Variants in ADGRL2 observed in about 807,000 individuals in gnomAD.
ADGRL2 encodes calcium-independent alpha-latrotoxin receptor 2.
A neutral mutation model predicts 157.4 loss-of-function variants in ADGRL2; 44 were observed. The ratio of observed to expected loss-of-function variants is 0.28; its 90% confidence interval spans 0.22 to 0.36. ADGRL2 has a LOEUF of 0.36. ADGRL2 is among the 10% of genes least tolerant of loss of function. ADGRL2 has a pLI of 1.00. For missense variants in ADGRL2, 1,510 were observed against 1,768.9 expected, an observed-to-expected ratio of 0.85 and a Z score of 2.63; for synonymous variants, 585 against 624.7, an observed-to-expected ratio of 0.94 and a Z score of 0.95.
Position 81,851,803 on chromosome 1 carries a change from A to G in ADGRL2, c.73+14746A>G, listed in dbSNP as rs182574184. On this transcript the variant is annotated intron_variant, in intron 2 of 23. Coordinates refer to ENST00000686636, the MANE Select transcript of ADGRL2 (RefSeq NM_001366006.2). ...TGGCTGTCAGAATTTCTTATTTTCC[A>G]CGTACGTTTGCAAATGAATTTCTGA... 1.1e-3 allele frequency among the ~76,000 whole-genome samples: 164 copies of G among 150,212 alleles called. 2 individuals are homozygous for G. Among genetic ancestry groups the G allele is most frequent in the African/African-American group, 3.8e-3 (157 of 40,988 alleles).
At chr1:81,467,046 TAA>T (rs550364036) in intron 2 of ADGRL2, among the ~76,000 whole-genome samples, 41 of 130,464 alleles carry the variant, frequency 3.1e-4, no homozygotes, top group Admixed American at 4.6e-4. Context: ...AAGCTACAGT[TAA>T]AAAAAAAAAA....
chr1:81,488,756 T>C (rs939006421), intron 2 of ADGRL2, among the ~76,000 whole-genome samples: 1 of 151,008 alleles, frequency 6.6e-6, no homozygotes, highest in Non-Finnish European at 1.5e-5. Context: ...CCATGAGTCG[T>C]ACAAAGAAGC....
intron 1 of ADGRL2, among the ~76,000 whole-genome samples, chr1:81,752,612 T>C (rs2085526668): frequency 6.6e-6 from 1 of 152,126 alleles, no homozygotes; most frequent in African/African-American, 2.4e-5. Flanking sequence ...AGCCTCAACA[T>C]TCCTGGTCTC....
At chr1:81,342,066 A>C (rs887716280) in intron 1 of ADGRL2, among the ~76,000 whole-genome samples, 3 of 152,182 alleles carry the variant, frequency 2.0e-5, no homozygotes, top group Non-Finnish European at 4.4e-5. Flanking sequence ...TCAGATTTCC[A>C]GAACACTGAA....
At chr1:81,507,486 A>G (rs7520545) in intron 2 of ADGRL2, among the ~76,000 whole-genome samples, 27,376 of 152,074 alleles carry the variant, frequency 0.18, 2,824 homozygotes, top group African/African-American at 0.27. Context: ...GATTAGTGAC[A>G]TTTTGCATGG....
At chr1:81,526,940 A>G (rs750820298) in intron 2 of ADGRL2, among the ~76,000 whole-genome samples, 7 of 152,198 alleles carry the variant, frequency 4.6e-5, no homozygotes, top group Non-Finnish European at 1.0e-4. Flanking sequence ...AATAGTATTG[A>G]CCGTTTGGAG....
intron 3 of ADGRL2, among the ~76,000 whole-genome samples, chr1:81,927,074 A>T (rs2095124314): frequency 1.3e-5 from 2 of 152,040 alleles, no homozygotes; most frequent in African/African-American, 4.8e-5. Flanking sequence ...AAGTATGCAT[A>T]CTTTGTGTTT....
chr1:81,763,445 T>G lies in ADGRL2; in HGVS notation c.-101+1593T>G, dbSNP rs559033001. On this transcript the variant is annotated intron_variant, in intron 2 of 20. Transcript: ENST00000359929. ...ACTAAAAATATAAAAATTAGCTAGC[T>G]GGGTATGGTGGTGAGTCCCTATAAT... Among the ~76,000 whole-genome samples the G allele has an allele frequency of 2.6e-5, 4 of 151,386 alleles. No homozygotes were observed. In the South Asian group the frequency reaches 8.4e-4, roughly 32 times the overall value.
At chr1:81,586,996 G>C (rs183542916) in intron 3 of ADGRL2, among the ~76,000 whole-genome samples, 1 of 152,034 alleles carries the variant, frequency 6.6e-6, no homozygotes, top group Non-Finnish European at 1.5e-5. Flanking sequence ...ACAGACAGCT[G>C]TCCAGAGACT....
chr1:81,478,719 C>T (rs935186590), intron 2 of ADGRL2, among the ~76,000 whole-genome samples: 1 of 152,154 alleles, frequency 6.6e-6, no homozygotes, highest in Non-Finnish European at 1.5e-5. Context: ...GAAGTCGCTA[C>T]ACTGCCTCAC....
intron 2 of ADGRL2, among the ~76,000 whole-genome samples, chr1:81,532,957 TATCTATCTATCTATC>T (rs1261742194): frequency 1.3e-5 from 2 of 150,214 alleles, no homozygotes; most frequent in Admixed American, 1.4e-4. Context: ...TCTATCTATC[TATCTATCTATCTATC>T]ATCTATCTAT....
chr1:81,650,055 T>TAA (rs56088299), intron 3 of ADGRL2, among the ~76,000 whole-genome samples: 336 of 143,396 alleles, frequency 2.3e-3, no homozygotes, highest in Admixed American at 5.3e-3. Flanking sequence ...CACCTATTCT[T>TAA]AAAAAAAAAA....
intron 1 of ADGRL2, among the ~76,000 whole-genome samples, chr1:81,732,943 T>C (rs2084774229): frequency 2.6e-5 from 4 of 152,228 alleles, no homozygotes; most frequent in Non-Finnish European, 4.4e-5. Context: ...AAATTTCAAA[T>C]ACTCTTAATC....
At chr1:81,451,876 C>T (rs996124712) in intron 2 of ADGRL2, among the ~76,000 whole-genome samples, 41 of 152,130 alleles carry the variant, frequency 2.7e-4, no homozygotes, top group African/African-American at 9.2e-4. Flanking sequence ...TATAAAGACA[C>T]GGCATTATAA....
chr1:81,411,395 C>T (rs1182473681), intron 1 of ADGRL2, among the ~76,000 whole-genome samples: 1 of 152,190 alleles, frequency 6.6e-6, no homozygotes, highest in African/African-American at 2.4e-5. Flanking sequence ...CACATTCACA[C>T]ATCATCCCAT....
intron 2 of ADGRL2, among the ~76,000 whole-genome samples, chr1:81,461,960 G>C (rs2077941517): frequency 6.8e-6 from 1 of 147,338 alleles, no homozygotes; most frequent in African/African-American, 2.5e-5. Context: ...GAAAGAGAGA[G>C]ACAAAGGAAG....
chr1:81,413,653 G>A (rs1218054686), intron 1 of ADGRL2, among the ~76,000 whole-genome samples: 3 of 152,096 alleles, frequency 2.0e-5, no homozygotes. Context: ...AAATATAAAG[G>A]CAAATAAAGA....
In ADGRL2 at chr1:81,492,434, A is replaced by G. The variant is rs546022624; in HGVS notation, c.-248+47345A>G. Among the ~76,000 whole-genome samples the G allele has an allele frequency of 1.2e-4, 18 of 152,360 alleles. No individual in the cohort carries two copies. The South Asian group carries it at 3.1e-3, about 26-fold the overall frequency. On this transcript the variant is annotated intron_variant, in intron 2 of 24. Transcript: ENST00000370721. ...AAATTCAAAATTCAGTTAAACACAC[A>G]GAACTTTATTCTGATAATGACAGTC...
chr1:81,688,796 C>T (rs985370575), intron 3 of ADGRL2, among the ~76,000 whole-genome samples: 8 of 152,034 alleles, frequency 5.3e-5, no homozygotes, highest in South Asian at 2.1e-4. Context: ...TTATTTGGGG[C>T]GGCTCTATCA....
Sources: gnomAD v4.1 joint callset for allele counts (sites outside exome capture counted in the v4.1 genomes callset) on GRCh38, gnomAD v4.1.1 for gene constraint, MANE v1.5 for transcripts, NCBI Gene and HGNC (gene_info 2026-07-23, HGNC 2026-07-21) for gene names.